RBBP8NL: variants seen among roughly 807,000 people sequenced by gnomAD.
RBBP8NL encodes RBBP8 N-terminal like.
Under a neutral mutation model 62.2 loss-of-function variants are expected in RBBP8NL, and 59 were observed. The observed-to-expected ratio is 0.95, with a 90% confidence interval of 0.77 to 1.18. RBBP8NL has a LOEUF of 1.18. Ranked by LOEUF, RBBP8NL falls within the 50% of genes most tolerant of loss-of-function variation. The pLI is 0.00. For synonymous variants in RBBP8NL, 412 were observed against 394.1 expected, an observed-to-expected ratio of 1.05 and a Z score of -0.54; for missense variants, 896 against 899.5, an observed-to-expected ratio of 1.00 and a Z score of 0.05.
At chr20:62,426,248 T>C (rs1366155957) in intron 1 of RBBP8NL, among the ~76,000 whole-genome samples, 1 of 152,230 alleles carries the variant, frequency 6.6e-6, no homozygotes. Flanking sequence ...CACATACTGT[T>C]CTGTGTCAAG....
chr20:62,419,836 T>A (rs1270815827), intron 1 of RBBP8NL, 106 bp from the exon 2 acceptor site: 1 of 605,948 alleles, frequency 1.7e-6, no homozygotes, highest in African/African-American at 1.9e-5. Context: ...GCAGACCCCA[T>A]GCCATGCTGT....
chr20:62,421,452 G>A (rs920065642), intron 1 of RBBP8NL, among the ~76,000 whole-genome samples: 5 of 151,318 alleles, frequency 3.3e-5, no homozygotes, highest in African/African-American at 1.2e-4. Context: ...GTGTGCATGT[G>A]TGTGTGCCGT....
In RBBP8NL at chr20:62,414,187, T is replaced by A. The variant is rs34446012; in HGVS notation, c.1164A>T (p.Leu388=). The A allele has an allele frequency of 6.2e-7, 1 of 1,609,484 alleles. No individual in the cohort carries two copies. Among genetic ancestry groups the A allele is most frequent in the Non-Finnish European group, 8.5e-7 (1 of 1,179,176 alleles). The change falls in exon 10 of 14, where the codon CTA becomes CTT. Residue 388 remains leucine (L), a synonymous_variant. Coordinates refer to ENST00000252998, the MANE Select transcript of RBBP8NL (RefSeq NM_080833.3). ...GGCCCTCAGAGTCTGAGCCGACTGG[T>A]AGGGAGGGCAGCATCTCCCCGGGTG... ...QPTPGEMLPS[L]PVGSDSEGPE... is the part of the protein sequence containing the mutation.
In RBBP8NL at chr20:62,415,861, G is replaced by A. The variant is rs752461469; in HGVS notation, c.471C>T (p.Ala157=). 5 of 1,611,698 alleles carry A rather than the reference G, an allele frequency of 3.1e-6. No individual in the cohort carries two copies. In the South Asian group the frequency reaches 5.5e-5, roughly 18 times the overall value. ...GGCCTCCCGGTGGCTTCTCTGTGAT[G>A]GCCTTCCAGCCACCAGGGGAGGGGA... is the stretch of plus-strand genomic sequence containing the variant. ...LLLPSPGGWK[A]ITEKPPGGHE... is the part of the protein sequence containing the mutation. Residue 157 remains alanine (A), a synonymous_variant, in exon 7 of 14, where the codon GCC becomes GCT. Coordinates refer to ENST00000252998, the MANE Select transcript of RBBP8NL (RefSeq NM_080833.3).
chr20:62,424,064 C>T (rs531757991), intron 1 of RBBP8NL, among the ~76,000 whole-genome samples: 62 of 40,332 alleles, frequency 1.5e-3, no homozygotes, highest in African/African-American at 4.9e-3. Context: ...GCAAGCCTAC[C>T]GGGGCGGGGA....
intron 3 of RBBP8NL, among the ~76,000 whole-genome samples, chr20:62,417,715 A>C (rs1397736074): frequency 3.5e-3 from 53 of 15,234 alleles, no homozygotes; most frequent in Admixed American, 5.7e-3. Context: ...TGTCCACGCA[A>C]CGCCCCCCCA....
chr20:62,416,988 G>C, intron 4 of RBBP8NL, 116 bp from the exon 5 acceptor site: 1 of 842,780 alleles, frequency 1.2e-6, no homozygotes, highest in Admixed American at 2.4e-5. Flanking sequence ...CTATTCCGTA[G>C]AGCCCCAGGC....
Position 62,414,005 on chromosome 20 carries a change from C to T in RBBP8NL, c.1346G>A (p.Arg449Gln), listed in dbSNP as rs754504409. The T allele has an allele frequency of 6.5e-5, 103 of 1,573,928 alleles. No individual in the cohort carries two copies. Among genetic ancestry groups the T allele is most frequent in the South Asian group, 1.5e-4 (13 of 86,098 alleles). Residue 449 changes from arginine to glutamine, a missense_variant, in exon 10 of 14, where the codon CGG becomes CAG. By Grantham distance (43) the Arg-to-Gln change is conservative. Transcript: ENST00000252998. ...DKPLDLSEWG[R>Q]ARGQDTPKPA... The stretch of plus-strand genomic sequence containing the variant: ...CTTGGGAGTGTCCTGGCCCCGGGCC[C>T]GGCCCCACTCCGAGAGGTCCAGGGG...
At position 62,410,660 on chromosome 20, in the gene RBBP8NL, C is replaced by T. The variant is rs550199543; in HGVS notation, c.*218G>A. 7.5e-4 allele frequency: 426 copies of T among 569,712 alleles called. 5 individuals are homozygous for T. The highest frequency in any genetic ancestry group is 5.6e-3 in the South Asian group (234 of 41,976). 35.3% of individuals were successfully genotyped at this position (569,712 alleles called of 1,614,324 possible). ...CAGGATGTGCCCGTCACCGGCTCTT[C>T]GGGGTTGCCTGCTGGTTGGGTGGTG... On this transcript the variant is annotated 3_prime_UTR_variant, in exon 14 of 14. Coordinates refer to ENST00000252998, the MANE Select transcript of RBBP8NL (RefSeq NM_080833.3).
chr20:62,422,993 G>A (rs1334879163), intron 1 of RBBP8NL, among the ~76,000 whole-genome samples: 1 of 152,058 alleles, frequency 6.6e-6, no homozygotes, highest in East Asian at 1.9e-4. Context: ...GTGGGTGAGG[G>A]ATCCTGGGAC....
chr20:62,410,644 C>G lies in RBBP8NL; in HGVS notation c.*234G>C. ...CCCTCTTGAAGTGGGCCAGGATGTG[C>G]CCGTCACCGGCTCTTCGGGGTTGCC... On this transcript the variant is annotated 3_prime_UTR_variant, in exon 14 of 14. Coordinates refer to ENST00000252998, the MANE Select transcript of RBBP8NL (RefSeq NM_080833.3). 4 of 551,494 alleles carry G rather than the reference C, an allele frequency of 7.3e-6. No individual in the cohort carries two copies. The highest frequency in any genetic ancestry group is 1.3e-5 in the Non-Finnish European group (4 of 313,496). The allele number at this position is 551,494 out of a possible 1,614,324, so 34.2% of individuals were successfully genotyped here.
intron 7 of RBBP8NL, 63 bp from the exon 8 acceptor site, chr20:62,415,723 C>T (rs1017385145): frequency 1.2e-6 from 2 of 1,609,770 alleles, no homozygotes; most frequent in Non-Finnish European, 1.7e-6. Flanking sequence ...CGGCCCAGCC[C>T]CAGGGGGAGG....
At chr20:62,422,323 C>T (rs532193341) in intron 1 of RBBP8NL, among the ~76,000 whole-genome samples, 15 of 151,900 alleles carry the variant, frequency 9.9e-5, no homozygotes, top group African/African-American at 1.5e-4. Context: ...CATCCCATGA[C>T]GGGTGGAATA....
chr20:62,410,788 G>C lies in RBBP8NL; in HGVS notation c.*90C>G. On this transcript the variant is annotated 3_prime_UTR_variant, in exon 14 of 14. Coordinates refer to ENST00000252998, the MANE Select transcript of RBBP8NL (RefSeq NM_080833.3). Reference sequence around the variant, plus strand: ...TTCTCCCAGGGTTCTGTGCAGGGCTGCCTGCTGGTTGGATGGTGTGCCCTC... The same window carrying C: ...TTCTCCCAGGGTTCTGTGCAGGGCTCCCTGCTGGTTGGATGGTGTGCCCTC... The C allele has an allele frequency of 5.8e-6, 5 of 855,058 alleles. No individual in the cohort carries two copies. The highest frequency in any genetic ancestry group is 4.8e-5 in the East Asian group (2 of 41,386). The allele number at this position is 855,058 out of a possible 1,614,324, so 53.0% of individuals were successfully genotyped here. A position where few individuals can be genotyped will look rare whatever the true frequency, so the allele number is the denominator to read the frequency against.
At chr20:62,413,094 T>A (rs932104553) in intron 11 of RBBP8NL, among the ~76,000 whole-genome samples, 194 bp from the exon 12 acceptor site, 9 of 152,262 alleles carry the variant, frequency 5.9e-5, no homozygotes, top group African/African-American at 1.7e-4. Context: ...TCCCCATCAG[T>A]TGGGGTTCCC....
chr20:62,418,674 TG>T (rs1259119324), intron 2 of RBBP8NL, among the ~76,000 whole-genome samples: 2 of 152,142 alleles, frequency 1.3e-5, no homozygotes. Context: ...TTGCTTCCCC[TG>T]GGGTCTCTGC....
intron 11 of RBBP8NL, among the ~76,000 whole-genome samples, chr20:62,413,138 C>T (rs764105541): frequency 6.6e-6 from 1 of 152,274 alleles, no homozygotes; most frequent in East Asian, 1.9e-4. Context: ...ATGGGGCACT[C>T]ACAGCCTGCT....
Position 62,410,795 on chromosome 20 carries a change from G to T in RBBP8NL, c.*83C>A. 1.1e-6 allele frequency: 1 copy of T among 906,354 alleles called. No homozygotes were observed. The highest frequency in any genetic ancestry group is 1.8e-6 in the Non-Finnish European group (1 of 568,082). The allele number at this position is 906,354 out of a possible 1,614,324, so 56.1% of individuals were successfully genotyped here. A position where few individuals can be genotyped will look rare whatever the true frequency, so the allele number is the denominator to read the frequency against. Reference sequence around the variant, plus strand: ...AGGGTTCTGTGCAGGGCTGCCTGCTGGTTGGATGGTGTGCCCTCTCCAGGC... The same window carrying T: ...AGGGTTCTGTGCAGGGCTGCCTGCTTGTTGGATGGTGTGCCCTCTCCAGGC... On this transcript the variant is annotated 3_prime_UTR_variant, in exon 14 of 14. Transcript: ENST00000252998.
In RBBP8NL at chr20:62,419,593, C is replaced by A. The variant is rs201502064; in HGVS notation, c.55G>T (p.Val19Phe). Residue 19 changes from valine to phenylalanine, a missense_variant, in exon 2 of 14, where the codon GTC becomes TTC. Physicochemically the swap from Val to Phe is conservative, Grantham distance 50. Coordinates refer to ENST00000252998, the MANE Select transcript of RBBP8NL (RefSeq NM_080833.3). The part of the protein sequence containing the change: ...NRLKEIHEKE[V>F]LGLQNKLLEL... Reference sequence around the variant, plus strand: ...TCTGTCCCTGGCCCCTCACCCAGGACTTCCTTCTCGTGGATCTCCTTCAGC... The same window carrying A: ...TCTGTCCCTGGCCCCTCACCCAGGAATTCCTTCTCGTGGATCTCCTTCAGC... 6.2e-7 allele frequency: 1 copy of A among 1,613,628 alleles called. No homozygotes were observed. The highest frequency in any genetic ancestry group is 1.7e-5 in the Admixed American group (1 of 60,010).
Sources: allele counts gnomAD v4.1 joint callset (sites outside exome capture counted in the v4.1 genomes callset), GRCh38; gene constraint gnomAD v4.1.1; transcripts MANE v1.5; gene names NCBI Gene and HGNC (gene_info 2026-07-23, HGNC 2026-07-21).